Variants in ERICH6 observed in about 807,000 individuals in gnomAD.
ERICH6 encodes the protein glutamate-rich protein 6.
A neutral mutation model predicts 71.0 loss-of-function variants in ERICH6; 71 were observed. The ratio of observed to expected loss-of-function variants is 1.00; its 90% CI spans 0.83 to 1.22. The LOEUF (loss-of-function observed/expected upper bound fraction) is 1.22. Ranked by LOEUF, ERICH6 falls within the 50% of genes most tolerant of loss-of-function variation. The pLI is 0.00. For missense variants in ERICH6, 808 were observed against 797.2 expected (o/e 1.01, Z -0.16); for synonymous variants, 262 against 278.4 (o/e 0.94, Z 0.59).
intron 1 of ERICH6, among the ~76,000 whole-genome samples, chr3:150,702,577 G>A (rs1393741109): frequency 6.6e-6 from 1 of 152,082 alleles, no homozygotes; most frequent in East Asian, 1.9e-4. Context: ...CGCCCGGCCT[G>A]GAGACATTTT....
At position 150,703,873 on chromosome 3, in the gene ERICH6, C is replaced by A. The variant is rs16862795; in HGVS notation, c.26G>T (p.Gly9Val). The A allele has an allele frequency of 0.013, 20,654 of 1,612,574 alleles. 1,783 individuals are homozygous for A. In the African/African-American group the frequency reaches 0.2, roughly 16 times the overall value. ...GTCCTTCTTCCCCGGGTCTCCGAAG[C>A]CGCTAGGCGAGCGCAAGTGGGCCAT... MAHLRSPS[G>V]FGDPGKKDQK... Residue 9 changes from glycine to valine, a missense_variant, in exon 1 of 14, where the codon GGC becomes GTC. Around this residue, in one of 3 missense-constraint regions of ERICH6, gnomAD observed 53 missense variants for 40.6 expected, o/e 1.30. Transcript: ENST00000295910.
intron 6 of ERICH6, among the ~76,000 whole-genome samples, chr3:150,684,702 T>G (rs1712105539): frequency 2.6e-5 from 4 of 152,212 alleles, no homozygotes; most frequent in African/African-American, 9.7e-5. Context: ...TCTCTTGCCC[T>G]TCAAATACAG....
At chr3:150,702,852 T>C (rs1240871941) in intron 1 of ERICH6, among the ~76,000 whole-genome samples, 2 of 147,072 alleles carry the variant, frequency 1.4e-5, no homozygotes, top group South Asian at 2.2e-4. Flanking sequence ...GTTTCAGTAG[T>C]ACAGCACCCT....
chr3:150,677,867 T>C (rs1180488003), intron 10 of ERICH6, among the ~76,000 whole-genome samples: 1 of 152,184 alleles, frequency 6.6e-6, no homozygotes, highest in Non-Finnish European at 1.5e-5. Flanking sequence ...ATTATAAGTA[T>C]GTTAACAAAA....
At chr3:150,686,162 GT>G (rs1712177292) in intron 4 of ERICH6, 135 bp downstream of exon 4, 1 of 1,238,904 alleles carries the variant, frequency 8.1e-7, no homozygotes, top group East Asian at 2.3e-5. Flanking sequence ...GATCCCTGAC[GT>G]TTTCGCCACC....
intron 6 of ERICH6, among the ~76,000 whole-genome samples, chr3:150,685,017 T>C (rs1050488782): frequency 2.6e-5 from 4 of 151,614 alleles, no homozygotes; most frequent in Non-Finnish European, 5.9e-5. Flanking sequence ...AAAAAAAAAA[T>C]AATAATAATT....
chr3:150,700,738 C>T (rs1252468056), intron 2 of ERICH6, among the ~76,000 whole-genome samples: 1 of 152,112 alleles, frequency 6.6e-6, no homozygotes, highest in Admixed American at 6.5e-5. Context: ...CACACGCCAC[C>T]ATGCCCGGCT....
chr3:150,662,960 A>G (rs1727276731), intron 13 of ERICH6, among the ~76,000 whole-genome samples: 1 of 152,188 alleles, frequency 6.6e-6, no homozygotes, highest in Admixed American at 6.5e-5. Context: ...AAAGGCCAGT[A>G]TGGCTGGAAC....
At chr3:150,687,320 G>C (rs59341156) in intron 3 of ERICH6, among the ~76,000 whole-genome samples, 1 of 152,016 alleles carries the variant, frequency 6.6e-6, no homozygotes, top group Non-Finnish European at 1.5e-5. Context: ...TACGACTTAC[G>C]TGTTGATTAT....
At chr3:150,688,880 G>A (rs956229402) in intron 3 of ERICH6, among the ~76,000 whole-genome samples, 3 of 152,174 alleles carry the variant, frequency 2.0e-5, no homozygotes, top group Non-Finnish European at 4.4e-5. Flanking sequence ...TGACCACCTT[G>A]GGCACATGTC....
Position 150,702,181 on chromosome 3 carries a change from G to T in ERICH6, c.404-3C>A. ...TGTCTGAAATATTTTAGGGAAACCT[G>T]TTGAATGAAACATTTAAAAATCAGC... On this transcript the variant is annotated splice_region_variant and splice_polypyrimidine_tract_variant and intron_variant, in intron 1 of 13. Coordinates refer to ENST00000295910, the MANE Select transcript of ERICH6 (RefSeq NM_152394.5). The T allele has an allele frequency of 6.5e-7, 1 of 1,540,302 alleles. No homozygotes were observed. Among genetic ancestry groups the T allele is most frequent in the Non-Finnish European group, 8.8e-7 (1 of 1,131,292 alleles).
intron 3 of ERICH6, among the ~76,000 whole-genome samples, chr3:150,692,370 T>G (rs1396431964): frequency 6.6e-6 from 1 of 152,184 alleles, no homozygotes; most frequent in Non-Finnish European, 1.5e-5. Context: ...AAATGACTTA[T>G]TTTACAATAA....
At chr3:150,693,931 C>T (rs565044433) in intron 3 of ERICH6, among the ~76,000 whole-genome samples, 1 of 152,222 alleles carries the variant, frequency 6.6e-6, no homozygotes, top group East Asian at 1.9e-4. Flanking sequence ...CTAAGCTGTG[C>T]TTTTGTAAAG....
rs754716329 is a variant in ERICH6, at chr3:150,685,949, T to C, written c.666+17A>G. On this transcript the variant is annotated intron_variant, in intron 5 of 13. Transcript: ENST00000295910. ...TATGAGAACAGTGTACTAGTTAGTATGATAAACATTTCTTACCTCCAGCTC... is the reference window on the plus strand; with the variant it reads ...TATGAGAACAGTGTACTAGTTAGTACGATAAACATTTCTTACCTCCAGCTC... The C allele has an allele frequency of 7.5e-6, 12 of 1,601,794 alleles. 1 individual carries two copies. In the South Asian group the frequency reaches 8.8e-5, roughly 12 times the overall value.
At position 150,678,397 on chromosome 3, in the gene ERICH6, C is replaced by G; in HGVS notation, c.1257+12G>C. The G allele has an allele frequency of 1.3e-6, 2 of 1,526,510 alleles. No individual in the cohort carries two copies. Among genetic ancestry groups the G allele is most frequent in the South Asian group, 1.3e-5 (1 of 77,012 alleles). 94.6% of individuals were successfully genotyped at this position (1,526,510 alleles called of 1,614,324 possible). On this transcript the variant is annotated intron_variant, in intron 10 of 13. Coordinates refer to ENST00000295910, the MANE Select transcript of ERICH6 (RefSeq NM_152394.5). Reference sequence around the variant, plus strand: ...TTTAAAATAGCAAGTAAAAAAATTACAAGTTCATTACCTTTCCACATGCTA... The same window carrying G: ...TTTAAAATAGCAAGTAAAAAAATTAGAAGTTCATTACCTTTCCACATGCTA...
intron 3 of ERICH6, among the ~76,000 whole-genome samples, chr3:150,689,055 G>A (rs1029671030): frequency 1.3e-5 from 2 of 152,082 alleles, no homozygotes; most frequent in East Asian, 1.9e-4. Flanking sequence ...ATCTTCTATC[G>A]GTGCTTGGTA....
chr3:150,691,930 C>G (rs1332931404), intron 3 of ERICH6, among the ~76,000 whole-genome samples: 1 of 151,928 alleles, frequency 6.6e-6, no homozygotes, highest in African/African-American at 2.4e-5. Flanking sequence ...AGACACAGGG[C>G]CAGAAATTAA....
At chr3:150,667,696 A>G (rs1364768015) in intron 12 of ERICH6, among the ~76,000 whole-genome samples, 2 of 152,184 alleles carry the variant, frequency 1.3e-5, no homozygotes, top group African/African-American at 4.8e-5. Context: ...TCGCTGTGCC[A>G]TTCTATTCAG....
intron 2 of ERICH6, 110 bp from the exon 3 acceptor site, chr3:150,698,992 T>A: frequency 2.8e-6 from 2 of 705,878 alleles, no homozygotes; most frequent in Non-Finnish European, 4.8e-6. Context: ...AAATATTTTG[T>A]TTTCTTTGAA....
Sources: allele counts gnomAD v4.1 joint callset (sites outside exome capture counted in the v4.1 genomes callset), GRCh38; gene constraint gnomAD v4.1.1; regional missense constraint gnomAD v4.1.1; transcripts MANE v1.5; gene names NCBI Gene and HGNC (gene_info 2026-07-23, HGNC 2026-07-21).